The following SHROOM3 variants were observed in gnomAD, a reference collection of about 807,000 sequenced individuals.
The protein encoded by SHROOM3 is protein Shroom3.
In SHROOM3, 47 loss-of-function variants were observed where a neutral mutation model predicts 138.6. The ratio of observed to expected loss-of-function variants is 0.34; its 90% confidence interval spans 0.27 to 0.43. SHROOM3 has a LOEUF of 0.43. Ranked by LOEUF, SHROOM3 falls within the 20% of genes least tolerant of loss-of-function variation. The pLI is 1.00. For synonymous variants in SHROOM3, 1,062 were observed against 1,063.3 expected, an observed-to-expected ratio of 1.00 and a Z score of 0.02; for missense variants, 2,491 against 2,596.5, an observed-to-expected ratio of 0.96 and a Z score of 0.88.
At chr4:76,725,948 C>A (rs1577998156) in intron 3 of SHROOM3, among the ~76,000 whole-genome samples, 1 of 152,134 alleles carries the variant, frequency 6.6e-6, no homozygotes, top group South Asian at 2.1e-4. Context: ...AAAACCTTTT[C>A]ACTCCCTGGA....
At chr4:76,705,776 C>T (rs1720031035) in intron 2 of SHROOM3, among the ~76,000 whole-genome samples, 2 of 152,148 alleles carry the variant, frequency 1.3e-5, no homozygotes, top group Non-Finnish European at 2.9e-5. Flanking sequence ...TGGAGAACAG[C>T]AAGAAACATA....
intron 1 of SHROOM3, among the ~76,000 whole-genome samples, chr4:76,482,342 G>A (rs577620701): frequency 6.6e-6 from 1 of 152,202 alleles, no homozygotes; most frequent in Admixed American, 6.5e-5. Flanking sequence ...AAAATCACAA[G>A]CATTCCTATA....
chr4:76,650,009 C>A (rs1177178748), intron 2 of SHROOM3, among the ~76,000 whole-genome samples: 1 of 152,282 alleles, frequency 6.6e-6, no homozygotes, highest in South Asian at 2.1e-4. Flanking sequence ...TCGCAGGTGG[C>A]TTCCTTCTCC....
chr4:76,709,206 T>A (rs1320722030), intron 2 of SHROOM3, among the ~76,000 whole-genome samples: 1 of 152,236 alleles, frequency 6.6e-6, no homozygotes, highest in Non-Finnish European at 1.5e-5. Flanking sequence ...CTCTCAGCCA[T>A]GGCCTGTGCA....
chr4:76,680,968 G>C (rs1015312331), intron 2 of SHROOM3, among the ~76,000 whole-genome samples: 3 of 152,180 alleles, frequency 2.0e-5, no homozygotes, highest in Non-Finnish European at 2.9e-5. Context: ...ATGACTTCTT[G>C]AACAGTGCAG....
At chr4:76,531,524 G>T (rs1415832253) in intron 1 of SHROOM3, among the ~76,000 whole-genome samples, 2 of 152,126 alleles carry the variant, frequency 1.3e-5, no homozygotes, top group African/African-American at 2.4e-5. Flanking sequence ...TCTTGAGGAG[G>T]TACTTGCTGT....
At chr4:76,536,725 C>T (rs1560537618) in intron 1 of SHROOM3, among the ~76,000 whole-genome samples, 1 of 152,196 alleles carries the variant, frequency 6.6e-6, no homozygotes, top group Non-Finnish European at 1.5e-5. Flanking sequence ...CTTTTCACTT[C>T]TCTCTCTTAT....
chr4:76,699,062 A>G (rs1326665755), intron 2 of SHROOM3, among the ~76,000 whole-genome samples: 1 of 152,196 alleles, frequency 6.6e-6, no homozygotes, highest in Non-Finnish European at 1.5e-5. Context: ...TGATTGAACA[A>G]TGATAGCACC....
chr4:76,775,940 G>A (rs1021841726), intron 10 of SHROOM3, among the ~76,000 whole-genome samples: 5 of 151,838 alleles, frequency 3.3e-5, no homozygotes, highest in Non-Finnish European at 7.4e-5. Flanking sequence ...ATAAACATGG[G>A]TGTGCAAGTT....
intron 1 of SHROOM3, among the ~76,000 whole-genome samples, chr4:76,489,759 C>T (rs1392668210): frequency 6.6e-6 from 1 of 151,996 alleles, no homozygotes; most frequent in Non-Finnish European, 1.5e-5. Context: ...ACAAAGGACC[C>T]GTTTATAAAA....
Position 76,766,776 on chromosome 4 carries a change from G to A in SHROOM3, c.5350-3850G>A, listed in dbSNP as rs187053009. On this transcript the variant is annotated intron_variant, in intron 9 of 10. Coordinates refer to ENST00000296043, the MANE Select transcript of SHROOM3 (RefSeq NM_020859.4). Reference sequence around the variant, plus strand: ...CAAATTATCATATTTTAAGGGGCTCGTTAGGGCTTTTAAAAAATTCAAATG... The same window carrying A: ...CAAATTATCATATTTTAAGGGGCTCATTAGGGCTTTTAAAAAATTCAAATG... Among the ~76,000 whole-genome samples the A allele has an allele frequency of 2.6e-5, 4 of 152,256 alleles. No individual in the cohort carries two copies. In the East Asian group the frequency reaches 5.8e-4, roughly 22 times the overall value.
intron 2 of SHROOM3, among the ~76,000 whole-genome samples, chr4:76,579,450 A>G (rs1307525317): frequency 3.3e-5 from 5 of 152,238 alleles, no homozygotes; most frequent in Admixed American, 6.5e-5. Flanking sequence ...CCTGGGCAAC[A>G]GAGTGAGACT....
intron 1 of SHROOM3, among the ~76,000 whole-genome samples, chr4:76,548,311 T>C (rs1180965849): frequency 6.6e-6 from 1 of 152,156 alleles, no homozygotes; most frequent in Non-Finnish European, 1.5e-5. Context: ...GAGGGAGGAC[T>C]GCGGTTTCTC....
chr4:76,608,952 C>G (rs1577916611), intron 2 of SHROOM3, among the ~76,000 whole-genome samples: 1 of 152,126 alleles, frequency 6.6e-6, no homozygotes, highest in Non-Finnish European at 1.5e-5. Context: ...GGCCCTGGAC[C>G]AGCAGCATTA....
chr4:76,506,459 G>C (rs1023562170), intron 1 of SHROOM3, among the ~76,000 whole-genome samples: 2 of 152,154 alleles, frequency 1.3e-5, no homozygotes, highest in Admixed American at 6.5e-5. Flanking sequence ...TTATATAAGG[G>C]ACTTGAGCAT....
rs1157737263 is a variant in SHROOM3, at chr4:76,479,035, G to A, written c.168+42815G>A. The stretch of plus-strand genomic sequence containing the variant: ...CACGAAGATGAGAAAAAAACAGCTC[G>A]AAAAGGCTGAAAATTCCAAAAACCA... On this transcript the variant is annotated intron_variant, in intron 1 of 10. Coordinates refer to ENST00000296043, the MANE Select transcript of SHROOM3 (RefSeq NM_020859.4). Among the ~76,000 whole-genome samples the A allele has an allele frequency of 6.6e-5, 10 of 152,092 alleles. 1 individual carries two copies. The East Asian group carries it at 9.7e-4, about 15-fold the overall frequency.
At chr4:76,445,206 C>CAT (rs1730780964) in intron 1 of SHROOM3, among the ~76,000 whole-genome samples, 1 of 152,018 alleles carries the variant, frequency 6.6e-6, no homozygotes, top group Admixed American at 6.5e-5. Context: ...GTAGGCAACT[C>CAT]ATATGCCAAA....
chr4:76,525,815 G>A (rs1458066663), intron 1 of SHROOM3, among the ~76,000 whole-genome samples: 1 of 152,106 alleles, frequency 6.6e-6, no homozygotes, highest in African/African-American at 2.4e-5. Flanking sequence ...ATGGATGCAG[G>A]ATCCAATCCT....
intron 2 of SHROOM3, among the ~76,000 whole-genome samples, chr4:76,615,188 A>G (rs1734846745): frequency 6.6e-6 from 1 of 152,126 alleles, no homozygotes; most frequent in African/African-American, 2.4e-5. Flanking sequence ...AACCTTCAAC[A>G]TTTTTCCCCT....
Sources: allele counts gnomAD v4.1 joint callset (sites outside exome capture counted in the v4.1 genomes callset), GRCh38; gene constraint gnomAD v4.1.1; transcripts MANE v1.5; gene names NCBI Gene and HGNC (gene_info 2026-07-23, HGNC 2026-07-21).